The following SEC24B variants were observed in gnomAD, a reference collection of about 807,000 sequenced individuals.
SEC24B encodes the protein SEC24 homolog B, COPII component.
In SEC24B, 45 loss-of-function variants were observed where a neutral mutation model predicts 142.8. The ratio of observed to expected loss-of-function variants is 0.32; its 90% CI spans 0.25 to 0.40. The LOEUF is 0.40. Ranked by LOEUF, SEC24B falls within the 10% of genes least tolerant of loss-of-function variation. SEC24B has a pLI of 1.00. For missense variants in SEC24B, 1,409 were observed against 1,526.8 expected (o/e 0.92, Z 1.29); for synonymous variants, 574 against 568.2 (o/e 1.01, Z -0.15).
intron 12 of SEC24B, 117 bp from the exon 13 acceptor site, chr4:109,521,000 T>C (rs2126070926): frequency 1.5e-6 from 1 of 648,498 alleles, no homozygotes; most frequent in South Asian, 1.7e-5. Flanking sequence ...CTCAAAAAAA[T>C]AAATAAAATA....
rs187303657 is a variant in SEC24B, at chr4:109,483,322, G to T, written c.1165+1541G>T. 2.4e-3 allele frequency among the ~76,000 whole-genome samples: 368 copies of T among 151,742 alleles called. 1 individual carries two copies. Among genetic ancestry groups the T allele is most frequent in the African/African-American group, 8.3e-3 (345 of 41,382 alleles). ...TCTTGATCTCCTGACCTCATGATCC[G>T]CCTGCCTTGGCCTCCCAAAGTGCTG... On this transcript the variant is annotated intron_variant, in intron 4 of 23. Coordinates refer to ENST00000265175, the MANE Select transcript of SEC24B (RefSeq NM_006323.5).
At chr4:109,480,453 T>C (rs1733622580) in intron 3 of SEC24B, among the ~76,000 whole-genome samples, 1 of 152,166 alleles carries the variant, frequency 6.6e-6, no homozygotes, top group South Asian at 2.1e-4. Context: ...TTTATTCTTA[T>C]TTAAGAAGTG....
chr4:109,527,196 GAGAC>G (rs1052216231), intron 17 of SEC24B, 122 bp from the exon 18 acceptor site: 4 of 637,548 alleles, frequency 6.3e-6, no homozygotes, highest in East Asian at 2.9e-5. Context: ...TCCAGCCTAA[GAGAC>G]AGAGCAAGAC....
rs1732697106 is a variant in SEC24B at position 109,473,073 on chromosome 4, C to G, written c.947C>G (p.Thr316Ser). 1.2e-6 allele frequency: 2 copies of G among 1,606,258 alleles called. No individual in the cohort carries two copies. The stretch of plus-strand genomic sequence containing the variant: ...CCCAAGTCCAGCCCAGTGGTATCCA[C>G]TGTTTTATCAGGATCCTCAGGATCC... ...QPPKSSPVVS[T>S]VLSGSSGSSS... Residue 316 changes from threonine to serine, a missense_variant, in exon 3 of 24, where the codon ACT becomes AGT. Transcript: ENST00000265175.
At chr4:109,526,735 C>T (rs979894494) in intron 17 of SEC24B, among the ~76,000 whole-genome samples, 29 of 152,150 alleles carry the variant, frequency 1.9e-4, no homozygotes, top group African/African-American at 6.8e-4. Context: ...TGTTACTTGA[C>T]AGTTAAGTTT....
chr4:109,508,921 CA>C (rs1253010326), intron 7 of SEC24B, among the ~76,000 whole-genome samples: 1 of 152,182 alleles, frequency 6.6e-6, no homozygotes, highest in Non-Finnish European at 1.5e-5. Context: ...GTGAACAAAA[CA>C]CAGTTCCTGA....
Position 109,513,857 on chromosome 4 carries a change from G to T in SEC24B, c.2013+1G>T, listed in dbSNP as rs368153816. ...GTTCATTGCTTCTTCAGATTACATG[G>T]TAACTATTCAGTGTTAAGATTTGTT... On this transcript the variant is annotated splice_donor_variant, in intron 10 of 23. Transcript: ENST00000265175. LOFTEE classifies it high-confidence loss of function. The T allele has an allele frequency of 6.4e-7, 1 of 1,567,950 alleles. No individual in the cohort carries two copies. The highest frequency in any genetic ancestry group is 1.4e-5 in the African/African-American group (1 of 73,918).
intron 14 of SEC24B, among the ~76,000 whole-genome samples, chr4:109,521,872 C>A (rs183378934): frequency 6.6e-6 from 1 of 151,940 alleles, no homozygotes; most frequent in East Asian, 1.9e-4. Context: ...GCTGGGATTA[C>A]AGGCGTGCAC....
intron 6 of SEC24B, among the ~76,000 whole-genome samples, chr4:109,498,374 T>C (rs1358035549): frequency 6.6e-6 from 1 of 152,214 alleles, no homozygotes; most frequent in Non-Finnish European, 1.5e-5. Context: ...TTTTTTTATT[T>C]TGAGACGGAG....
In SEC24B at chr4:109,472,987, T is replaced by C; in HGVS notation, c.878-17T>C. ...ATATTTCAAGTTTCTGTGGATGAAA[T>C]AGTTTCTTCTCTTCAGTTGCAGATT... On this transcript the variant is annotated splice_polypyrimidine_tract_variant and intron_variant, in intron 2 of 23. Coordinates refer to ENST00000265175, the MANE Select transcript of SEC24B (RefSeq NM_006323.5). 3 of 1,459,304 alleles carry C rather than the reference T, an allele frequency of 2.1e-6. No individual in the cohort carries two copies. The highest frequency in any genetic ancestry group is 2.7e-6 in the Non-Finnish European group (3 of 1,101,224). 90.4% of individuals were successfully genotyped at this position (1,459,304 alleles called of 1,614,324 possible).
intron 3 of SEC24B, among the ~76,000 whole-genome samples, chr4:109,476,287 A>G (rs1263869104): frequency 1.3e-5 from 2 of 152,110 alleles, no homozygotes; most frequent in Non-Finnish European, 2.9e-5. Flanking sequence ...TGCCTGGCCA[A>G]TCACTACAGC....
chr4:109,515,623 C>T (rs151036995), intron 10 of SEC24B, among the ~76,000 whole-genome samples: 2 of 152,266 alleles, frequency 1.3e-5, no homozygotes, highest in African/African-American at 4.8e-5. Flanking sequence ...GCCACTGCAC[C>T]TGGCCTATTT....
intron 22 of SEC24B, among the ~76,000 whole-genome samples, chr4:109,537,517 C>G (rs565058861): frequency 6.6e-6 from 1 of 152,220 alleles, no homozygotes; most frequent in African/African-American, 2.4e-5. Context: ...ACCTGTGGTC[C>G]CAGCTACTTG....
intron 1 of SEC24B, among the ~76,000 whole-genome samples, chr4:109,459,351 ATGG>A (rs1731028930): frequency 1.1e-4 from 16 of 152,214 alleles, no homozygotes; most frequent in Admixed American, 1.0e-3. Context: ...TACTTGACAT[ATGG>A]TTGATCAGAT....
At chr4:109,464,326 T>A (rs1157443064) in intron 2 of SEC24B, among the ~76,000 whole-genome samples, 1 of 151,744 alleles carries the variant, frequency 6.6e-6, no homozygotes, top group African/African-American at 2.4e-5. Context: ...GGGTCTCACT[T>A]TATCACCCAG....
intron 9 of SEC24B, 118 bp from the exon 10 acceptor site, chr4:109,513,629 G>A (rs903909401): frequency 3.5e-5 from 22 of 637,038 alleles, no homozygotes; most frequent in South Asian, 2.8e-4. Flanking sequence ...TTAAATGTTC[G>A]CAGAACTGTT....
At chr4:109,502,807 G>C (rs552212567) in intron 6 of SEC24B, among the ~76,000 whole-genome samples, 1 of 152,224 alleles carries the variant, frequency 6.6e-6, no homozygotes, top group Non-Finnish European at 1.5e-5. Flanking sequence ...TCTATATTGT[G>C]AAGTACCCCA....
intron 5 of SEC24B, among the ~76,000 whole-genome samples, chr4:109,491,691 A>G (rs571425474): frequency 6.6e-6 from 1 of 151,818 alleles, no homozygotes; most frequent in East Asian, 1.9e-4. Flanking sequence ...AAGAATAACT[A>G]CTCCTTAAAT....
At chr4:109,534,941 G>C (rs1213038954) in intron 22 of SEC24B, among the ~76,000 whole-genome samples, 3 of 152,152 alleles carry the variant, frequency 2.0e-5, no homozygotes, top group African/African-American at 7.2e-5. Flanking sequence ...GCCTCCCAGA[G>C]TGCTGGGATT....
Sources: allele counts gnomAD v4.1 joint callset (sites outside exome capture counted in the v4.1 genomes callset), GRCh38; gene constraint gnomAD v4.1.1; transcripts MANE v1.5; gene names NCBI Gene and HGNC (gene_info 2026-07-23, HGNC 2026-07-21).